The following TMEM232 variants were observed in gnomAD, a reference collection of about 807,000 sequenced individuals.
The protein encoded by TMEM232 is transmembrane protein 232.
A neutral mutation model predicts 78.8 loss-of-function variants in TMEM232; 80 were observed. The ratio of observed to expected loss-of-function variants is 1.01; its 90% CI spans 0.85 to 1.22. The LOEUF (loss-of-function observed/expected upper bound fraction) is 1.22. Among genes scored for constraint, TMEM232 ranks in the 50% most tolerant of loss-of-function variants. The pLI is 0.00. For missense variants in TMEM232, 881 were observed against 742.2 expected (o/e 1.19, Z -2.17); for synonymous variants, 297 against 254.3 (o/e 1.17, Z -1.60).
At chr5:110,482,876 T>A (rs930814211) in intron 12 of TMEM232, among the ~76,000 whole-genome samples, 7 of 151,808 alleles carry the variant, frequency 4.6e-5, no homozygotes, top group African/African-American at 1.7e-4. Flanking sequence ...TAAAGAGAAG[T>A]AGACAAAAAT....
At chr5:110,392,954 C>A (rs1219400673) in intron 3 of TMEM232, among the ~76,000 whole-genome samples, 1 of 152,128 alleles carries the variant, frequency 6.6e-6, no homozygotes, top group South Asian at 2.1e-4. Flanking sequence ...AAAAGTGAGT[C>A]ACTTAATGTT....
chr5:110,523,173 T>A (rs959287388), intron 12 of TMEM232, among the ~76,000 whole-genome samples: 1 of 152,140 alleles, frequency 6.6e-6, no homozygotes, highest in Non-Finnish European at 1.5e-5. Context: ...TTCTTCTGGG[T>A]TTTCCAGTTT....
intron 1 of TMEM232, chr5:110,720,759 G>C (rs1391882042): frequency 6.6e-6 from 1 of 152,046 alleles, no homozygotes; most frequent in Non-Finnish European, 1.5e-5. Flanking sequence ...TTCTGGACTA[G>C]AAGCTTGACT....
intron 3 of TMEM232, among the ~76,000 whole-genome samples, chr5:110,391,035 C>T (rs1030077940): frequency 1.3e-5 from 2 of 152,212 alleles, no homozygotes; most frequent in African/African-American, 4.8e-5. Context: ...CACAATGATG[C>T]CACAGTGGTT....
intron 2 of TMEM232, among the ~76,000 whole-genome samples, chr5:110,661,215 T>C (rs1277177671): frequency 6.6e-6 from 1 of 152,218 alleles, no homozygotes; most frequent in African/African-American, 2.4e-5. Context: ...ATATCACATT[T>C]TCTTTATTCA....
intron 12 of TMEM232, among the ~76,000 whole-genome samples, chr5:110,526,280 A>G (rs530833398): frequency 6.6e-6 from 1 of 151,680 alleles, no homozygotes; most frequent in African/African-American, 2.4e-5. Flanking sequence ...ATTAAAAAAA[A>G]AAGATGAGAA....
intron 12 of TMEM232, among the ~76,000 whole-genome samples, chr5:110,488,838 A>C (rs886410243): frequency 3.3e-5 from 5 of 152,022 alleles, no homozygotes; most frequent in African/African-American, 1.2e-4. Flanking sequence ...AAAAAATAGA[A>C]GTTTCAAAAT....
chr5:110,703,269 C>G (rs1224262110), intron 1 of TMEM232, among the ~76,000 whole-genome samples: 2 of 150,442 alleles, frequency 1.3e-5, no homozygotes, highest in South Asian at 2.1e-4. Context: ...AAAAGCCCCC[C>G]ACCCTTGCTT....
chr5:110,464,816 CTATG>C (rs1761902255), intron 12 of TMEM232, among the ~76,000 whole-genome samples: 1 of 152,144 alleles, frequency 6.6e-6, no homozygotes, highest in South Asian at 2.1e-4. Flanking sequence ...AGCTATCAAT[CTATG>C]TATCTATCTG....
intron 1 of TMEM232, among the ~76,000 whole-genome samples, chr5:110,719,376 C>G (rs1797361607): frequency 6.6e-6 from 1 of 151,800 alleles, no homozygotes; most frequent in Admixed American, 6.6e-5. Context: ...TCATATCTTC[C>G]TTTACCTCTT....
intron 10 of TMEM232, among the ~76,000 whole-genome samples, chr5:110,598,971 C>A (rs1274350913): frequency 1.3e-5 from 2 of 151,526 alleles, no homozygotes; most frequent in Non-Finnish European, 2.9e-5. Flanking sequence ...TGTAACTAAC[C>A]TGCACATTGT....
At chr5:110,586,110 T>A (rs1778789515) in intron 10 of TMEM232, among the ~76,000 whole-genome samples, 1 of 152,186 alleles carries the variant, frequency 6.6e-6, no homozygotes, top group Non-Finnish European at 1.5e-5. Context: ...TTTATGGCCA[T>A]CTAGCAAGTT....
intron 7 of TMEM232, among the ~76,000 whole-genome samples, chr5:110,619,056 A>G (rs1007841056): frequency 3.3e-5 from 5 of 152,206 alleles, no homozygotes. Flanking sequence ...CAGATAACAA[A>G]TAAGCTGTTG....
At chr5:110,615,283 G>C (rs1039883795) in intron 8 of TMEM232, among the ~76,000 whole-genome samples, 1 of 151,878 alleles carries the variant, frequency 6.6e-6, no homozygotes, top group Non-Finnish European at 1.5e-5. Flanking sequence ...ATATACAAAG[G>C]CCTTTGGTGT....
At chr5:110,633,482 A>G (rs1276713791) in intron 5 of TMEM232, among the ~76,000 whole-genome samples, 1 of 152,128 alleles carries the variant, frequency 6.6e-6, no homozygotes, top group African/African-American at 2.4e-5. Context: ...TGTAATCTCT[A>G]TGTGTCAAGG....
intron 12 of TMEM232, among the ~76,000 whole-genome samples, chr5:110,433,823 T>A (rs561296711): frequency 1.2e-4 from 19 of 152,254 alleles, no homozygotes; most frequent in Admixed American, 8.5e-4. Flanking sequence ...ATCCCAGGAA[T>A]AAAGCCCACT....
chr5:110,717,381 A>G (rs1797122918), intron 1 of TMEM232, among the ~76,000 whole-genome samples: 1 of 152,136 alleles, frequency 6.6e-6, no homozygotes, highest in African/African-American at 2.4e-5. Flanking sequence ...ACTTGGACCC[A>G]TGCTGATTTG....
upstream of TMEM232, among the ~76,000 whole-genome samples, chr5:110,730,972 C>A (rs938205281): frequency 4.6e-5 from 7 of 152,180 alleles, no homozygotes; most frequent in Admixed American, 1.3e-4. Context: ...CAAGCCAAGT[C>A]CCTTATGCCT....
At chr5:110,705,219 ATG>A (rs1417567619) in intron 1 of TMEM232, among the ~76,000 whole-genome samples, 1 of 152,146 alleles carries the variant, frequency 6.6e-6, no homozygotes, top group African/African-American at 2.4e-5. Context: ...CTTATCAAAC[ATG>A]TCTTATCAAC....
Sources: gnomAD v4.1 joint callset for allele counts (sites outside exome capture counted in the v4.1 genomes callset) on GRCh38, gnomAD v4.1.1 for gene constraint, MANE v1.5 for transcripts, NCBI Gene and HGNC (gene_info 2026-07-23, HGNC 2026-07-21) for gene names.